CDK14: variants seen among roughly 807,000 people sequenced by gnomAD.
CDK14 encodes the protein cyclin-dependent kinase 14.
CDK14 carries 34 observed loss-of-function variants against 60.7 expected under a neutral mutation model. That is an observed-to-expected ratio of 0.56 (90% CI 0.43 to 0.75). The LOEUF is 0.75. CDK14 is among the 30% of genes least tolerant of loss of function. The probability of loss-of-function intolerance (pLI) is 0.00; values close to 1 mark genes in which losing one functional copy is unlikely to be tolerated. For missense variants in CDK14, 482 were observed against 564.1 expected (o/e 0.85, Z 1.47); for synonymous variants, 197 against 203.7 (o/e 0.97, Z 0.28).
chr7:90,812,040 A>G (rs577614542), intron 5 of CDK14, among the ~76,000 whole-genome samples: 1 of 152,310 alleles, frequency 6.6e-6, no homozygotes, highest in Admixed American at 6.5e-5. Context: ...TAGTTCAACC[A>G]TTGTGGAAGT....
intron 6 of CDK14, among the ~76,000 whole-genome samples, chr7:90,864,437 T>G (rs1395203050): frequency 2.4e-4 from 37 of 152,184 alleles, no homozygotes; most frequent in Admixed American, 2.4e-3. Flanking sequence ...TTTTGATTCA[T>G]ACTTTTAAGT....
intron 11 of CDK14, among the ~76,000 whole-genome samples, chr7:91,047,898 C>G (rs1399351085): frequency 6.6e-6 from 1 of 152,116 alleles, no homozygotes; most frequent in South Asian, 2.1e-4. Context: ...CAGTCCCTGA[C>G]CTCATAGATC....
chr7:90,849,803 C>G (rs950877372), intron 5 of CDK14, among the ~76,000 whole-genome samples: 3 of 152,044 alleles, frequency 2.0e-5, no homozygotes, highest in Non-Finnish European at 4.4e-5. Flanking sequence ...CGGGTTGGAT[C>G]TGGTTCTACT....
At chr7:90,809,438 T>A (rs12113412) in intron 5 of CDK14, among the ~76,000 whole-genome samples, 30,905 of 151,358 alleles carry the variant, frequency 0.2, 3,271 homozygotes, top group South Asian at 0.24. Context: ...ACAAAGACAC[T>A]ACATACCAAA....
At chr7:90,781,732 T>C (rs1391136260) in intron 4 of CDK14, among the ~76,000 whole-genome samples, 1 of 151,194 alleles carries the variant, frequency 6.6e-6, no homozygotes, top group Non-Finnish European at 1.5e-5. Context: ...GTTGTAGATA[T>C]GCGGCATTAT....
chr7:90,612,862 A>G (rs1422450812), intron 2 of CDK14, among the ~76,000 whole-genome samples: 3 of 152,010 alleles, frequency 2.0e-5, no homozygotes, highest in African/African-American at 7.2e-5. Flanking sequence ...AGATGCTATG[A>G]ACCTTCCATG....
At chr7:90,892,678 C>T (rs1006616123) in intron 6 of CDK14, among the ~76,000 whole-genome samples, 8 of 152,230 alleles carry the variant, frequency 5.3e-5, no homozygotes, top group African/African-American at 9.6e-5. Flanking sequence ...ATACCCTCCT[C>T]GGATTCCTTC....
chr7:91,144,062 T>G (rs13229018), intron 14 of CDK14, among the ~76,000 whole-genome samples: 3 of 152,146 alleles, frequency 2.0e-5, no homozygotes, highest in African/African-American at 7.2e-5. Context: ...GTTGCTAATG[T>G]CTAGAGAAGC....
intron 12 of CDK14, among the ~76,000 whole-genome samples, chr7:91,101,275 AG>A (rs1799140210): frequency 6.6e-6 from 1 of 152,222 alleles, no homozygotes; most frequent in Non-Finnish European, 1.5e-5. Flanking sequence ...TGTAAGTATC[AG>A]AAGTCTGAAT....
intron 2 of CDK14, among the ~76,000 whole-genome samples, chr7:90,703,056 AG>A (rs1366721113): frequency 6.8e-6 from 1 of 146,964 alleles, no homozygotes; most frequent in Middle Eastern, 3.2e-3. Context: ...TCAGAAACTT[AG>A]GTAAGTTTTT....
At chr7:90,732,898 C>T (rs1042369295) in intron 3 of CDK14, among the ~76,000 whole-genome samples, 11 of 151,646 alleles carry the variant, frequency 7.3e-5, no homozygotes, top group African/African-American at 2.7e-4. Context: ...AATGTATTTG[C>T]TCTTCCTTCT....
At chr7:91,175,414 A>C (rs892211473) in intron 14 of CDK14, among the ~76,000 whole-genome samples, 2 of 152,046 alleles carry the variant, frequency 1.3e-5, no homozygotes, top group African/African-American at 2.4e-5. Flanking sequence ...CGAGCAAAAT[A>C]ACCAGCTAAC....
intron 11 of CDK14, among the ~76,000 whole-genome samples, chr7:91,048,636 G>A (rs1307872496): frequency 2.6e-5 from 4 of 152,198 alleles, no homozygotes; most frequent in African/African-American, 9.6e-5. Flanking sequence ...GAATACAGGA[G>A]AATACTTCTT....
chr7:90,773,903 C>CTTTTT (rs66713333), intron 4 of CDK14, among the ~76,000 whole-genome samples: 1 of 80,406 alleles, frequency 1.2e-5, no homozygotes, highest in Admixed American at 1.6e-4. Context: ...TCTTTTCTTT[C>CTTTTT]TTTTTTTTTT....
In CDK14 at chr7:90,701,342, A is replaced by G. The variant is rs184291977; in HGVS notation, c.124-25225A>G. Among the ~76,000 whole-genome samples the G allele has an allele frequency of 3.1e-3, 469 of 152,330 alleles. 1 individual carries two copies. The highest frequency in any genetic ancestry group is 7.5e-3 in the Admixed American group (114 of 15,294). On this transcript the variant is annotated intron_variant, in intron 2 of 14. Transcript: ENST00000380050. ...TCTGGTTAAACTAATTGGTCAAAGCATTCAGGCTTCCTGCAAGTTCAGATA... is the reference window on the plus strand; with the variant it reads ...TCTGGTTAAACTAATTGGTCAAAGCGTTCAGGCTTCCTGCAAGTTCAGATA...
intron 4 of CDK14, among the ~76,000 whole-genome samples, chr7:90,787,334 A>G (rs987684318): frequency 2.8e-5 from 1 of 35,302 alleles, no homozygotes; most frequent in Non-Finnish European, 5.1e-5. Context: ...CAAATTCTTA[A>G]GGAATATAAA....
chr7:91,000,916 G>A (rs976735176), intron 10 of CDK14, among the ~76,000 whole-genome samples: 13 of 152,222 alleles, frequency 8.5e-5, no homozygotes, highest in East Asian at 5.8e-4. Context: ...TATGGTCTTC[G>A]CTGGAATAAA....
At chr7:90,955,333 T>G (rs1228883438) in intron 8 of CDK14, among the ~76,000 whole-genome samples, 5 of 152,136 alleles carry the variant, frequency 3.3e-5, no homozygotes, top group Non-Finnish European at 7.4e-5. Context: ...CTAAATCTGT[T>G]TTTTCTCAGT....
At chr7:90,637,920 G>A (rs1054139447) in intron 2 of CDK14, among the ~76,000 whole-genome samples, 2 of 148,998 alleles carry the variant, frequency 1.3e-5, no homozygotes, top group Non-Finnish European at 1.5e-5. Flanking sequence ...ATCTTTGTTG[G>A]TTTAAAGTCT....
Sources: gnomAD v4.1 joint callset for allele counts (sites outside exome capture counted in the v4.1 genomes callset) on GRCh38, gnomAD v4.1.1 for gene constraint, MANE v1.5 for transcripts, NCBI Gene and HGNC (gene_info 2026-07-23, HGNC 2026-07-21) for gene names.